The following SPINK2 variants were observed in gnomAD, a reference collection of about 807,000 sequenced individuals.
SPINK2 encodes the protein serine protease inhibitor Kazal-type 2.
In SPINK2, 8 loss-of-function variants were observed where a neutral mutation model predicts 13.5. The observed-to-expected ratio is 0.59, with a 90% confidence interval of 0.35 to 1.07. The LOEUF is 1.07. Among genes scored for constraint, SPINK2 ranks in the 50% least tolerant of loss-of-function variants. The pLI, the probability that SPINK2 is intolerant of heterozygous loss-of-function variation, is 0.02. For missense variants in SPINK2, 148 were observed against 180.3 expected, an observed-to-expected ratio of 0.82 and a Z score of 1.03; for synonymous variants, 76 against 74.7, an observed-to-expected ratio of 1.02 and a Z score of -0.09.
At chr4:56,819,805 C>T (rs544717655) in intron 2 of SPINK2, among the ~76,000 whole-genome samples, 3 of 151,996 alleles carry the variant, frequency 2.0e-5, no homozygotes, top group South Asian at 4.2e-4. Context: ...TTAGTACAGA[C>T]GGGGTTTCAC....
chr4:56,812,298 T>G (rs985504979), intron 2 of SPINK2, among the ~76,000 whole-genome samples: 1 of 150,968 alleles, frequency 6.6e-6, no homozygotes, highest in Non-Finnish European at 1.5e-5. Context: ...CTTACGCCTG[T>G]AATCCCAACA....
intron 2 of SPINK2, 143 bp from the exon 3 acceptor site, chr4:56,811,937 C>CTTTT (rs375969300): frequency 7.5e-5 from 13 of 174,090 alleles, no homozygotes; most frequent in Non-Finnish European, 1.0e-4. Flanking sequence ...AAAATTTTTT[C>CTTTT]TTTTTTTTTT....
chr4:56,820,692 A>C, intron 1 of SPINK2, 113 bp from the exon 2 acceptor site: 1 of 849,308 alleles, frequency 1.2e-6, no homozygotes. Context: ...GCTGGTCTTG[A>C]CCTCCCGGGC....
chr4:56,820,934 T>A (rs1717887927), intron 1 of SPINK2, among the ~76,000 whole-genome samples: 1 of 152,210 alleles, frequency 6.6e-6, no homozygotes. Flanking sequence ...AAATAACATT[T>A]GGTTCTGTTC....
Position 56,810,121 on chromosome 4 carries a change from T to C in SPINK2, c.*18A>G. On this transcript the variant is annotated 3_prime_UTR_variant, in exon 4 of 4. Transcript: ENST00000506738. ...AGTGAAGGTGGTCTCTCCATCTTCT[T>C]TTCTGTAAACTGCTCCATCAGCAGG... The C allele has an allele frequency of 6.2e-7, 1 of 1,602,516 alleles. No individual in the cohort carries two copies. The highest frequency in any genetic ancestry group is 8.5e-7 in the Non-Finnish European group (1 of 1,174,278).
Position 56,810,037 on chromosome 4 carries a change from C to T in SPINK2, c.*102G>A. The T allele has an allele frequency of 2.0e-6, 3 of 1,534,192 alleles. No individual in the cohort carries two copies. Among genetic ancestry groups the T allele is most frequent in the East Asian group, 4.9e-5 (2 of 40,542 alleles). The stretch of plus-strand genomic sequence containing the variant: ...TCTCAGAAAATGTGTGTTAACAAAT[C>T]TCATGTAAAGAAACACAGGAAAAGA... On this transcript the variant is annotated 3_prime_UTR_variant, in exon 4 of 4. Transcript: ENST00000506738.
intron 2 of SPINK2, 45 bp downstream of exon 2, chr4:56,820,491 G>T: frequency 6.6e-7 from 1 of 1,525,004 alleles, no homozygotes; most frequent in Non-Finnish European, 9.1e-7. Flanking sequence ...ACGGTTTTGG[G>T]CTTCACTGTA....
At chr4:56,816,155 G>A (rs1407181660) in intron 2 of SPINK2, among the ~76,000 whole-genome samples, 1 of 152,074 alleles carries the variant, frequency 6.6e-6, no homozygotes, top group African/African-American at 2.4e-5. Flanking sequence ...AAAGATACAA[G>A]ATCAATATAT....
intron 2 of SPINK2, among the ~76,000 whole-genome samples, chr4:56,813,734 C>T (rs1717190447): frequency 6.6e-6 from 1 of 151,778 alleles, no homozygotes; most frequent in African/African-American, 2.4e-5. Flanking sequence ...TCTCCTGTCT[C>T]AGCCTCCCCA....
At chr4:56,820,018 A>G (rs1717800316) in intron 2 of SPINK2, among the ~76,000 whole-genome samples, 1 of 152,212 alleles carries the variant, frequency 6.6e-6, no homozygotes, top group Non-Finnish European at 1.5e-5. Flanking sequence ...CCCCTAACCC[A>G]TACCATAGAA....
chr4:56,821,625 A>G lies in SPINK2; in HGVS notation c.38T>C (p.Leu13Pro). The G allele has an allele frequency of 1.3e-6, 2 of 1,549,222 alleles. No individual in the cohort carries two copies. The highest frequency in any genetic ancestry group is 1.7e-6 in the Non-Finnish European group (2 of 1,147,672). Residue 13 changes from leucine (L) to proline (P), a missense_variant, in exon 1 of 4, where the codon CTG (leucine) becomes CCG (proline). Leu to Pro is a moderately conservative substitution (Grantham distance 98, BLOSUM62 -3). Coordinates refer to ENST00000506738, the MANE Select transcript of SPINK2 (RefSeq NM_001271718.2). ...LSVLRLALLL[L>P]AVTFAGSARS... is the part of the protein sequence containing the mutation. ...AGCGCTACCTGCGAAGGTAACTGCC[A>G]GGAGCAGCAGCGCCAAGCGCAGCAC...
intron 2 of SPINK2, among the ~76,000 whole-genome samples, chr4:56,817,383 G>T (rs1717545067): frequency 6.6e-6 from 1 of 152,024 alleles, no homozygotes; most frequent in African/African-American, 2.4e-5. Flanking sequence ...AGATATACAG[G>T]TTCAATGGAA....
chr4:56,820,729 C>A, intron 1 of SPINK2, 150 bp from the exon 2 acceptor site: 1 of 611,840 alleles, frequency 1.6e-6, no homozygotes, highest in Non-Finnish European at 2.9e-6. Flanking sequence ...CCTAGGCCTC[C>A]CAAAGTGCTG....
At chr4:56,814,927 T>C (rs1342972550) in intron 2 of SPINK2, among the ~76,000 whole-genome samples, 39 of 144,920 alleles carry the variant, frequency 2.7e-4, no homozygotes, top group African/African-American at 8.2e-4. Flanking sequence ...TGCCACTGCA[T>C]TCTAGCCTGG....
chr4:56,810,262 C>T, intron 3 of SPINK2, 78 bp from the exon 4 acceptor site: 2 of 1,178,484 alleles, frequency 1.7e-6, no homozygotes, highest in South Asian at 1.4e-5. Flanking sequence ...TTAAAAAGAC[C>T]CATGTAGATA....
intron 3 of SPINK2, chr4:56,810,490 G>A (rs1716888865): frequency 3.4e-6 from 1 of 293,854 alleles, no homozygotes; most frequent in Non-Finnish European, 6.3e-6. Context: ...ATTACTGGAG[G>A]TCAGGGGTTT....
Position 56,820,542 on chromosome 4 carries a change from A to G in SPINK2, c.243T>C (p.Tyr81=), listed in dbSNP as rs1717848185. 4 of 1,610,798 alleles carry G rather than the reference A, an allele frequency of 2.5e-6. No homozygotes were observed. In the South Asian group the frequency reaches 3.3e-5, roughly 13 times the overall value. ...GAAGTGGTTTGCTACTTACCGTTCT[A>G]TATTTTGAAAACAGACCAAATTGAG... ...LIPQFGLFSK[Y]RTPNCSQYRL... is the part of the protein sequence containing the mutation. Residue 81 remains tyrosine (Y), a synonymous_variant, in exon 2 of 4, where the codon TAT becomes TAC. Transcript: ENST00000506738.
At chr4:56,820,445 T>C in intron 2 of SPINK2, 91 bp downstream of exon 2, 3 of 937,864 alleles carry the variant, frequency 3.2e-6, no homozygotes, top group Middle Eastern at 2.9e-4. Flanking sequence ...GTTTCAAAAG[T>C]GGCAGGTCAG....
intron 2 of SPINK2, among the ~76,000 whole-genome samples, chr4:56,812,956 T>C (rs1181431731): frequency 6.6e-6 from 1 of 152,166 alleles, no homozygotes; most frequent in Non-Finnish European, 1.5e-5. Flanking sequence ...GGGCAGACAT[T>C]GCCCCAAAAC....
Sources: gnomAD v4.1 joint callset for allele counts (sites outside exome capture counted in the v4.1 genomes callset) on GRCh38, gnomAD v4.1.1 for gene constraint, MANE v1.5 for transcripts, NCBI Gene and HGNC (gene_info 2026-07-23, HGNC 2026-07-21) for gene names.